The following ANKRD30B variants were observed in gnomAD, a reference collection of about 807,000 sequenced individuals.
The protein encoded by ANKRD30B is ankyrin repeat domain-containing protein 30B.
Under a neutral mutation model 202.2 loss-of-function variants are expected in ANKRD30B, and 144 were observed. The observed-to-expected ratio is 0.71, with a 90% CI of 0.62 to 0.82. ANKRD30B has a LOEUF of 0.82. Ranked by LOEUF, ANKRD30B falls within the 40% of genes least tolerant of loss-of-function variation. ANKRD30B has a pLI of 0.00. For synonymous variants in ANKRD30B, 508 were observed against 561.3 expected (o/e 0.91, Z 1.34); for missense variants, 1,487 against 1,669.1 (o/e 0.89, Z 1.90).
At chr18:14,829,744 A>T (rs950244258) in intron 33 of ANKRD30B, among the ~76,000 whole-genome samples, 2 of 152,196 alleles carry the variant, frequency 1.3e-5, no homozygotes. Flanking sequence ...CAAGATTTCT[A>T]TTGAAAGATT....
At chr18:14,931,110 A>C in the ANKRD30B span, among the ~76,000 whole-genome samples, 1 of 152,332 alleles carries the variant, frequency 6.6e-6, no homozygotes, top group Middle Eastern at 3.4e-3. Context: ...AGAGCCCTGA[A>C]GCTCTCTTCA....
chr18:14,907,579 C>G, the ANKRD30B span, among the ~76,000 whole-genome samples: 1 of 152,200 alleles, frequency 6.6e-6, no homozygotes, highest in East Asian at 1.9e-4. Context: ...GACACGGCCT[C>G]CTCTGGGTCA....
intron 24 of ANKRD30B, among the ~76,000 whole-genome samples, chr18:14,807,918 A>G (rs1327429680): frequency 2.0e-5 from 3 of 151,032 alleles, no homozygotes; most frequent in Admixed American, 6.6e-5. Context: ...AGAACCCCAT[A>G]AATGTAAAAA....
intron 34 of ANKRD30B, among the ~76,000 whole-genome samples, chr18:14,831,760 C>G (rs1269088995): frequency 1.3e-5 from 2 of 152,020 alleles, no homozygotes; most frequent in South Asian, 2.1e-4. Flanking sequence ...TTAGAAAAAA[C>G]TTTTCCACAA....
At chr18:14,861,403 G>C in the ANKRD30B span, among the ~76,000 whole-genome samples, 1 of 151,536 alleles carries the variant, frequency 6.6e-6, no homozygotes. Context: ...ATACCAACAG[G>C]CTCAAAGTAA....
the ANKRD30B span, among the ~76,000 whole-genome samples, chr18:14,933,215 G>A: frequency 2.0e-5 from 3 of 152,156 alleles, no homozygotes; most frequent in African/African-American, 7.2e-5. Flanking sequence ...ATGACAGTGG[G>A]GCTGTAGCCT....
chr18:14,751,992 C>A (rs1913528082), intron 1 of ANKRD30B, among the ~76,000 whole-genome samples: 1 of 152,094 alleles, frequency 6.6e-6, no homozygotes, highest in Admixed American at 6.5e-5. Flanking sequence ...ATTTCAATGT[C>A]AGAGATGTTA....
At chr18:14,848,408 C>T (rs1169747930) in intron 39 of ANKRD30B, among the ~76,000 whole-genome samples, 1 of 152,118 alleles carries the variant, frequency 6.6e-6, no homozygotes, top group Non-Finnish European at 1.5e-5. Flanking sequence ...TGTAGCCATA[C>T]ATTCCTCGGG....
In ANKRD30B at chr18:14,822,688, T is replaced by C. The variant is rs1970482910; in HGVS notation, c.2743+11T>C. 6.4e-6 allele frequency: 8 copies of C among 1,244,514 alleles called. No individual in the cohort carries two copies. Among genetic ancestry groups the C allele is most frequent in the South Asian group, 4.4e-5 (3 of 68,200 alleles). The allele number at this position is 1,244,514 out of a possible 1,614,324, so 77.1% of individuals were successfully genotyped here. ...AAACATTCAAAGCAGGTAAATTTTG[T>C]AATTTTAATTTTACTGTGGAATTAA... On this transcript the variant is annotated intron_variant, in intron 32 of 43. Transcript: ENST00000690538.
intron 22 of ANKRD30B, among the ~76,000 whole-genome samples, chr18:14,800,536 G>A (rs1969245882): frequency 6.6e-6 from 1 of 151,098 alleles, no homozygotes; most frequent in African/African-American, 2.5e-5. Flanking sequence ...ATGTTAGCCA[G>A]GATGATCTCG....
At chr18:14,906,611 C>A in the ANKRD30B span, among the ~76,000 whole-genome samples, 1 of 151,746 alleles carries the variant, frequency 6.6e-6, no homozygotes, top group Non-Finnish European at 1.5e-5. Context: ...CAATTTGTAC[C>A]ACTTTCTCTT....
intron 30 of ANKRD30B, among the ~76,000 whole-genome samples, chr18:14,819,842 A>G (rs1192734995): frequency 6.6e-6 from 1 of 152,008 alleles, no homozygotes; most frequent in East Asian, 2.0e-4. Context: ...ACTTGGCGAC[A>G]CGGGCTCATT....
intron 4 of ANKRD30B, among the ~76,000 whole-genome samples, chr18:14,756,721 G>A (rs565703052): frequency 5.3e-5 from 8 of 152,150 alleles, no homozygotes; most frequent in Admixed American, 2.6e-4. Flanking sequence ...TGGTAAAACC[G>A]CATCTCTACT....
chr18:14,821,288 A>G (rs1970408307), intron 30 of ANKRD30B, among the ~76,000 whole-genome samples: 1 of 151,578 alleles, frequency 6.6e-6, no homozygotes, highest in South Asian at 2.1e-4. Context: ...CGGTCTATCA[A>G]TTTTGTTGAT....
chr18:14,912,325 TG>T, the ANKRD30B span, among the ~76,000 whole-genome samples: 1 of 152,182 alleles, frequency 6.6e-6, no homozygotes, highest in Non-Finnish European at 1.5e-5. Context: ...ATTTTTATCA[TG>T]AAAGAATGCT....
chr18:14,920,371 G>A, the ANKRD30B span, among the ~76,000 whole-genome samples: 2 of 152,090 alleles, frequency 1.3e-5, no homozygotes, highest in Admixed American at 1.3e-4. Flanking sequence ...GTATTTAACT[G>A]CACCCTGTAA....
chr18:14,901,801 A>T, the ANKRD30B span, among the ~76,000 whole-genome samples: 1 of 152,174 alleles, frequency 6.6e-6, no homozygotes, highest in Non-Finnish European at 1.5e-5. Context: ...TTTGATTGAG[A>T]TGTCATATTT....
intron 15 of ANKRD30B, among the ~76,000 whole-genome samples, chr18:14,790,333 A>T (rs552301416): frequency 4.9e-4 from 74 of 152,306 alleles, no homozygotes; most frequent in Non-Finnish European, 8.4e-4. Flanking sequence ...TGTCATCTGC[A>T]AATAGGGACA....
At chr18:14,783,567 C>T (rs983657656) in intron 12 of ANKRD30B, among the ~76,000 whole-genome samples, 1 of 151,820 alleles carries the variant, frequency 6.6e-6, no homozygotes, top group African/African-American at 2.4e-5. Context: ...ATTGTAGGAA[C>T]TAAAAAAATA....
Sources: allele counts gnomAD v4.1 joint callset (sites outside exome capture counted in the v4.1 genomes callset), GRCh38; gene constraint gnomAD v4.1.1; transcripts MANE v1.5; gene names NCBI Gene and HGNC (gene_info 2026-07-23, HGNC 2026-07-21).